The following POU6F2 variants were observed in gnomAD, a reference collection of about 807,000 sequenced individuals.
POU6F2 encodes POU class 6 homeobox 2.
In POU6F2, 31 loss-of-function variants were observed where a neutral mutation model predicts 71.3. The ratio of observed to expected loss-of-function variants is 0.43; its 90% confidence interval spans 0.33 to 0.59. The LOEUF (loss-of-function observed/expected upper bound fraction) is 0.59. Ranked by LOEUF, POU6F2 falls within the 20% of genes least tolerant of loss-of-function variation. The pLI is 0.04. For missense variants in POU6F2, 783 were observed against 856.8 expected (o/e 0.91, Z 1.07); for synonymous variants, 347 against 355.7 (o/e 0.98, Z 0.27).
At chr7:39,252,979 G>T (rs1446490351) in intron 4 of POU6F2, among the ~76,000 whole-genome samples, 1 of 152,168 alleles carries the variant, frequency 6.6e-6, no homozygotes, top group Non-Finnish European at 1.5e-5. Context: ...GTAAGCTCCA[G>T]CAGGGCCATG....
intron 5 of POU6F2, among the ~76,000 whole-genome samples, chr7:39,340,514 G>C (rs924142527): frequency 6.6e-6 from 1 of 152,092 alleles, no homozygotes; most frequent in Non-Finnish European, 1.5e-5. Flanking sequence ...GGGGTTAGGA[G>C]GGCAAAGAAA....
chr7:39,464,101 G>T lies in POU6F2; in HGVS notation c.1659-81G>T, dbSNP rs1260956668. The stretch of plus-strand genomic sequence containing the variant: ...AACCTGCAGTAAATTCGCCCTGCCA[G>T]GCAGTCAGGCAGGCAGGCAGGAGGC... On this transcript the variant is annotated intron_variant, in intron 9 of 9. Transcript: ENST00000518318. The surrounding 1 kb of genome is among the most constrained non-coding windows in gnomAD (Gnocchi z 4.1). 8 of 1,518,568 alleles carry T rather than the reference G, an allele frequency of 5.3e-6. No homozygotes were observed. Among genetic ancestry groups the T allele is most frequent in the Non-Finnish European group, 7.1e-6 (8 of 1,122,640 alleles). 94.1% of individuals were successfully genotyped at this position (1,518,568 alleles called of 1,614,324 possible). A position where few individuals can be genotyped will look rare whatever the true frequency, so the allele number is the denominator to read the frequency against.
intron 4 of POU6F2, among the ~76,000 whole-genome samples, chr7:39,312,385 T>C (rs935931568): frequency 1.3e-5 from 2 of 152,170 alleles, no homozygotes; most frequent in Non-Finnish European, 2.9e-5. Context: ...GTCTCCAGCT[T>C]TTTCACAGAA....
intron 4 of POU6F2, among the ~76,000 whole-genome samples, chr7:39,231,819 A>G (rs977077417): frequency 2.6e-5 from 4 of 152,200 alleles, no homozygotes; most frequent in Non-Finnish European, 4.4e-5. Context: ...TGTGAAAGAA[A>G]AAAAAATTAT....
At chr7:39,342,188 G>GAACTAAT (rs35265011) in intron 5 of POU6F2, among the ~76,000 whole-genome samples, 86,018 of 151,680 alleles carry the variant, frequency 0.57, 24,554 homozygotes, top group East Asian at 0.74. Context: ...CTGAGAAGAT[G>GAACTAAT]TTAAACAAAT....
At chr7:39,426,319 A>C (rs888952537) in intron 6 of POU6F2, among the ~76,000 whole-genome samples, 1 of 152,150 alleles carries the variant, frequency 6.6e-6, no homozygotes, top group Non-Finnish European at 1.5e-5. Flanking sequence ...TATGGGCACC[A>C]TGTTTTCTTC....
At chr7:39,363,476 G>C (rs1786433755) in intron 5 of POU6F2, among the ~76,000 whole-genome samples, 2 of 151,778 alleles carry the variant, frequency 1.3e-5, no homozygotes. Context: ...TTTGGAAAAA[G>C]GTCCGTGCTG....
intron 1 of POU6F2, among the ~76,000 whole-genome samples, chr7:38,999,833 C>T (rs985166101): frequency 6.6e-6 from 1 of 152,126 alleles, no homozygotes. Context: ...ATTACATGTA[C>T]ATTTTGAAAA....
intron 4 of POU6F2, among the ~76,000 whole-genome samples, chr7:39,216,457 TTAATG>T (rs1397541813): frequency 6.6e-6 from 1 of 152,154 alleles, no homozygotes; most frequent in Non-Finnish European, 1.5e-5. Context: ...AATGAATTCA[TTAATG>T]TAACATTCAG....
At chr7:39,164,224 A>G (rs1793062802) in intron 2 of POU6F2, among the ~76,000 whole-genome samples, 1 of 151,750 alleles carries the variant, frequency 6.6e-6, no homozygotes, top group Non-Finnish European at 1.5e-5. Flanking sequence ...TTGTCAATTA[A>G]AAAATAAATA....
At chr7:39,050,754 T>G (rs1010897461) in intron 1 of POU6F2, among the ~76,000 whole-genome samples, 2 of 152,210 alleles carry the variant, frequency 1.3e-5, no homozygotes, top group South Asian at 4.1e-4. Flanking sequence ...TGCCCTACCA[T>G]CTAAGAATTA....
chr7:39,402,864 A>C (rs939730966), intron 5 of POU6F2, among the ~76,000 whole-genome samples: 14 of 152,246 alleles, frequency 9.2e-5, no homozygotes, highest in Admixed American at 4.6e-4. Flanking sequence ...ATATTTATGG[A>C]GGTGAGTTCT....
chr7:39,043,107 A>T (rs1269918971), intron 1 of POU6F2, among the ~76,000 whole-genome samples: 1 of 151,956 alleles, frequency 6.6e-6, no homozygotes, highest in Admixed American at 6.6e-5. Flanking sequence ...ATCCTCCTTA[A>T]TTTTATTCTG....
At chr7:39,132,408 G>A (rs1425144958) in intron 2 of POU6F2, 1 of 152,110 alleles carries the variant, frequency 6.6e-6, no homozygotes, top group East Asian at 1.9e-4. Context: ...TAATCAGAGA[G>A]GCAAATGATG....
chr7:39,253,622 T>TATTGAG (rs1459556717), intron 4 of POU6F2, among the ~76,000 whole-genome samples: 1 of 152,088 alleles, frequency 6.6e-6, no homozygotes. Flanking sequence ...ATGAGAAGCA[T>TATTGAG]GTAATGTAGG....
intron 6 of POU6F2, among the ~76,000 whole-genome samples, chr7:39,423,246 G>A (rs1787893665): frequency 6.6e-6 from 1 of 152,166 alleles, no homozygotes; most frequent in South Asian, 2.1e-4. Flanking sequence ...GTAAATTGCT[G>A]CCATCTTGAC....
intron 4 of POU6F2, among the ~76,000 whole-genome samples, chr7:39,249,907 T>G (rs1231500460): frequency 6.6e-6 from 1 of 152,210 alleles, no homozygotes. Context: ...AAATTTTGCA[T>G]GAGCCTTTCA....
chr7:39,351,334 C>A (rs1045744990), intron 5 of POU6F2, among the ~76,000 whole-genome samples: 1 of 152,176 alleles, frequency 6.6e-6, no homozygotes, highest in African/African-American at 2.4e-5. Flanking sequence ...GATTCACAGC[C>A]CATCAGGAAA....
intron 4 of POU6F2, among the ~76,000 whole-genome samples, chr7:39,275,505 C>T (rs1413892489): frequency 6.6e-6 from 1 of 152,122 alleles, no homozygotes; most frequent in Non-Finnish European, 1.5e-5. Flanking sequence ...CAGTGTCATC[C>T]CCATCAAGCT....
Sources: allele counts gnomAD v4.1 joint callset (sites outside exome capture counted in the v4.1 genomes callset), GRCh38; gene constraint gnomAD v4.1.1; non-coding constraint Gnocchi (gnomAD v3.1); transcripts MANE v1.5; gene names NCBI Gene and HGNC (gene_info 2026-07-23, HGNC 2026-07-21).